The following GSG1L variants were observed in gnomAD, a reference collection of about 807,000 sequenced individuals.
The protein encoded by GSG1L is GSG1 like.
GSG1L carries 24 observed loss-of-function variants against 42.1 expected under a neutral mutation model. That is an observed-to-expected ratio of 0.57 (90% CI 0.41 to 0.80). The LOEUF is 0.80. Among genes scored for constraint, GSG1L ranks in the 30% least tolerant of loss-of-function variants. The pLI, the probability that GSG1L is intolerant of heterozygous loss-of-function variation, is 0.00. For synonymous variants in GSG1L, 215 were observed against 203.5 expected, an observed-to-expected ratio of 1.06 and a Z score of -0.48; for missense variants, 445 against 472.2, an observed-to-expected ratio of 0.94 and a Z score of 0.53.
At chr16:27,970,664 A>T (rs1872650872) in intron 1 of GSG1L, among the ~76,000 whole-genome samples, 1 of 151,930 alleles carries the variant, frequency 6.6e-6, no homozygotes, top group African/African-American at 2.4e-5. Context: ...AGCCTCCCAA[A>T]GTGCTGGGAT....
At chr16:27,898,493 T>G (rs1040041530) in intron 2 of GSG1L, among the ~76,000 whole-genome samples, 2 of 151,628 alleles carry the variant, frequency 1.3e-5, no homozygotes, top group Non-Finnish European at 2.9e-5. Flanking sequence ...CAAAGACAGG[T>G]TTTTGAGATT....
At chr16:27,933,669 A>AAAAG (rs2084681067) in intron 2 of GSG1L, among the ~76,000 whole-genome samples, 1 of 149,764 alleles carries the variant, frequency 6.7e-6, no homozygotes, top group Non-Finnish European at 1.5e-5. Flanking sequence ...AAAAAAAAAA[A>AAAAG]GTGTGTTGAG....
intron 3 of GSG1L, among the ~76,000 whole-genome samples, chr16:27,862,844 A>G (rs1398340587): frequency 2.0e-5 from 3 of 152,232 alleles, no homozygotes; most frequent in African/African-American, 7.2e-5. Context: ...TTGAAAACAG[A>G]GCAGGCTGAG....
chr16:27,820,089 G>A (rs933307975), intron 5 of GSG1L, among the ~76,000 whole-genome samples: 3 of 152,292 alleles, frequency 2.0e-5, no homozygotes, highest in East Asian at 3.9e-4. Flanking sequence ...AGCCACTTAT[G>A]GAGGGAGAGA....
Position 27,874,387 on chromosome 16 carries a change from T to G in GSG1L, c.550+10099A>C, listed in dbSNP as rs370252025. On this transcript the variant is annotated intron_variant, in intron 3 of 6. Transcript: ENST00000447459. ...ACATGGCCAATGATTCCATCAATCG[T>G]GCCTATGTCATAAAATCCCAATAAA... Among the ~76,000 whole-genome samples the G allele has an allele frequency of 3.4e-5, 5 of 146,792 alleles. No individual in the cohort carries two copies. The East Asian group carries it at 6.4e-4, about 19-fold the overall frequency.
At chr16:27,960,655 T>A (rs2141105295) in intron 2 of GSG1L, among the ~76,000 whole-genome samples, 1 of 152,120 alleles carries the variant, frequency 6.6e-6, no homozygotes, top group South Asian at 2.1e-4. Context: ...AGAAAATGGA[T>A]GGGTCTGAGG....
At chr16:27,829,966 T>C (rs544942842) in intron 4 of GSG1L, among the ~76,000 whole-genome samples, 3 of 152,278 alleles carry the variant, frequency 2.0e-5, no homozygotes, top group African/African-American at 7.2e-5. Context: ...TCCACAACTT[T>C]CTGTACAGCT....
intron 1 of GSG1L, among the ~76,000 whole-genome samples, chr16:28,012,032 G>C (rs1446163719): frequency 6.6e-6 from 1 of 152,018 alleles, no homozygotes; most frequent in Non-Finnish European, 1.5e-5. Context: ...AACTCTGAGA[G>C]TTCCCCTCAG....
intron 4 of GSG1L, 32 bp downstream of exon 4, chr16:27,844,918 T>C (rs755020887): frequency 1.2e-5 from 15 of 1,217,402 alleles, no homozygotes; most frequent in Non-Finnish European, 1.7e-5. Flanking sequence ...CCCTGGTGCC[T>C]GAAGCTGCTC....
intron 1 of GSG1L, among the ~76,000 whole-genome samples, chr16:27,988,452 G>A (rs2085413202): frequency 6.6e-6 from 1 of 151,998 alleles, no homozygotes; most frequent in African/African-American, 2.4e-5. Flanking sequence ...TTTAAAGGTT[G>A]ATTCAAAATG....
chr16:27,969,714 T>C (rs2085172226), intron 1 of GSG1L, among the ~76,000 whole-genome samples: 1 of 152,236 alleles, frequency 6.6e-6, no homozygotes, highest in Admixed American at 6.5e-5. Context: ...TTCTCTTGGG[T>C]ATATACCCAG....
chr16:27,804,038 G>GATAGATAGATACAGAT (rs1432561896), intron 6 of GSG1L, among the ~76,000 whole-genome samples: 12 of 7,800 alleles, frequency 1.5e-3, no homozygotes, highest in African/African-American at 5.1e-3. Flanking sequence ...AGATTAGATG[G>GATAGATAGATACAGAT]ATAGATAGAT....
At chr16:27,865,552 TATATATATATATATATATATACACACAC>T (rs1156779348) in intron 3 of GSG1L, among the ~76,000 whole-genome samples, 1 of 42,766 alleles carries the variant, frequency 2.3e-5, no homozygotes, top group African/African-American at 9.1e-5. Context: ...TATATATATA[TATATATATATATATATATATACACACAC>T]ACATACATAC....
intron 1 of GSG1L, among the ~76,000 whole-genome samples, chr16:28,060,146 A>T (rs2086324309): frequency 6.6e-6 from 1 of 151,802 alleles, no homozygotes; most frequent in Non-Finnish European, 1.5e-5. Flanking sequence ...GAAGGGAGGG[A>T]AGTTTAGCCT....
At chr16:27,947,577 GAA>G (rs146248128) in intron 2 of GSG1L, among the ~76,000 whole-genome samples, 3,275 of 118,538 alleles carry the variant, frequency 0.028, 69 homozygotes, top group South Asian at 0.053. Context: ...AAGAAAGAAA[GAA>G]AGAAAGAAAG....
rs1217550068 is a variant in GSG1L, at chr16:27,932,203, C to A, written c.397+30953G>T. 3.9e-5 allele frequency among the ~76,000 whole-genome samples: 6 copies of A among 152,172 alleles called. No individual in the cohort carries two copies. In the South Asian group the frequency reaches 8.3e-4, roughly 21 times the overall value. The stretch of plus-strand genomic sequence containing the variant: ...AAGTAGCTGGGATTACAGGCATGCA[C>A]CACCACACCTGGCTAATTTTTGTAT... On this transcript the variant is annotated intron_variant, in intron 2 of 6. Coordinates refer to ENST00000447459, the MANE Select transcript of GSG1L (RefSeq NM_001109763.2).
intron 3 of GSG1L, among the ~76,000 whole-genome samples, chr16:27,882,843 C>T (rs750751532): frequency 1.3e-5 from 2 of 152,160 alleles, no homozygotes; most frequent in African/African-American, 2.4e-5. Context: ...TGGTGGCTCA[C>T]GCCTGTAATC....
chr16:28,044,415 G>C (rs1344703407), intron 1 of GSG1L, among the ~76,000 whole-genome samples: 5 of 152,228 alleles, frequency 3.3e-5, no homozygotes, highest in African/African-American at 7.2e-5. Flanking sequence ...TTGGTAGTTA[G>C]TTGGCGTTAA....
At chr16:28,005,625 G>A (rs1218301355) in intron 1 of GSG1L, among the ~76,000 whole-genome samples, 1 of 151,932 alleles carries the variant, frequency 6.6e-6, no homozygotes, top group Non-Finnish European at 1.5e-5. Flanking sequence ...AATGGTGGGG[G>A]GGGAGGGGCA....
Sources: allele counts gnomAD v4.1 joint callset (sites outside exome capture counted in the v4.1 genomes callset), GRCh38; gene constraint gnomAD v4.1.1; transcripts MANE v1.5; gene names NCBI Gene and HGNC (gene_info 2026-07-23, HGNC 2026-07-21).